Variants in MDGA2 observed in about 807,000 individuals in gnomAD.
MDGA2 encodes the protein MAM domain-containing glycosylphosphatidylinositol anchor protein 2.
Under a neutral mutation model 117.8 loss-of-function variants are expected in MDGA2, and 40 were observed. That is an observed-to-expected ratio of 0.34 (90% confidence interval 0.26 to 0.44). MDGA2 has a LOEUF of 0.44. Among genes scored for constraint, MDGA2 ranks in the 20% least tolerant of loss-of-function variants. The pLI is 1.00. For synonymous variants in MDGA2, 452 were observed against 439.0 expected (o/e 1.03, Z -0.37); for missense variants, 1,123 against 1,250.6 (o/e 0.90, Z 1.54).
At chr14:47,669,519 T>A (rs1392410184) in intron 1 of MDGA2, among the ~76,000 whole-genome samples, 10 of 152,144 alleles carry the variant, frequency 6.6e-5, no homozygotes, top group Non-Finnish European at 1.5e-5. Context: ...TATAAAATAA[T>A]CTGCCCATTT....
intron 1 of MDGA2, among the ~76,000 whole-genome samples, chr14:47,617,756 G>T: frequency 6.6e-6 from 1 of 151,844 alleles, no homozygotes; most frequent in Middle Eastern, 3.4e-3. Flanking sequence ...TTATATATTT[G>T]CCTATAGCAT....
intron 1 of MDGA2, among the ~76,000 whole-genome samples, chr14:47,605,266 G>A (rs754911749): frequency 2.6e-5 from 4 of 152,078 alleles, no homozygotes; most frequent in Admixed American, 6.6e-5. Flanking sequence ...ACAGATGAAG[G>A]CAATCATTCT....
At chr14:47,227,812 G>A (rs1886560539) in intron 2 of MDGA2, among the ~76,000 whole-genome samples, 1 of 152,060 alleles carries the variant, frequency 6.6e-6, no homozygotes, top group East Asian at 1.9e-4. Context: ...CTTGACTTCT[G>A]AACAGTTGAC....
intron 3 of MDGA2, among the ~76,000 whole-genome samples, chr14:47,158,361 T>TGG (rs1555358936): frequency 1.6e-3 from 188 of 119,490 alleles, no homozygotes; most frequent in Admixed American, 3.2e-3. Flanking sequence ...ATCCCTGGGG[T>TGG]GGGTGTGTGT....
intron 1 of MDGA2, among the ~76,000 whole-genome samples, chr14:47,379,433 A>G (rs907894896): frequency 1.3e-5 from 2 of 152,236 alleles, no homozygotes; most frequent in African/African-American, 2.4e-5. Context: ...CAAATTGGAT[A>G]AAGAGTGAAG....
chr14:47,357,326 AC>A (rs1891017547), intron 1 of MDGA2, among the ~76,000 whole-genome samples: 1 of 152,204 alleles, frequency 6.6e-6, no homozygotes. Flanking sequence ...CCATGAGATC[AC>A]CCTAAAAAAA....
At chr14:47,348,003 C>T (rs1320248208) in intron 1 of MDGA2, among the ~76,000 whole-genome samples, 1 of 151,858 alleles carries the variant, frequency 6.6e-6, no homozygotes, top group Non-Finnish European at 1.5e-5. Flanking sequence ...TGGAGAAGGC[C>T]GACTGAATTC....
intron 9 of MDGA2, among the ~76,000 whole-genome samples, chr14:46,950,229 G>T (rs17117783): frequency 5.9e-5 from 9 of 151,502 alleles, no homozygotes; most frequent in Admixed American, 4.6e-4. Flanking sequence ...TTCAGATTTC[G>T]CATGGATTCC....
chr14:47,310,454 T>C (rs1156650750), intron 1 of MDGA2, among the ~76,000 whole-genome samples: 1 of 152,110 alleles, frequency 6.6e-6, no homozygotes, highest in East Asian at 1.9e-4. Context: ...CTGGGAGATA[T>C]TTGAAAATCC....
rs1244944759 is a variant in MDGA2 at position 47,361,205 on chromosome 14, C to CTATA, written c.281-59656_281-59655insTATA. On this transcript the variant is annotated intron_variant, in intron 1 of 16. Coordinates refer to ENST00000399232, the MANE Select transcript of MDGA2 (RefSeq NM_001113498.3). ...TGTTGTACTCTCTCTCTCTCTCTCT[C>CTATA]TCTATATATATATATATATATATGG... Among the ~76,000 whole-genome samples the CTATA allele has an allele frequency of 2.9e-3, 356 of 124,688 alleles. 1 individual carries two copies. The highest frequency in any genetic ancestry group is 0.028 in the East Asian group (112 of 3,954). The allele number at this position is 124,688 out of a possible 152,430, so 81.8% of individuals were successfully genotyped here.
chr14:47,016,300 G>C (rs1436134193), intron 8 of MDGA2, among the ~76,000 whole-genome samples: 1 of 151,828 alleles, frequency 6.6e-6, no homozygotes, highest in African/African-American at 2.4e-5. Flanking sequence ...CATAACATGA[G>C]GTCCAAATTA....
chr14:47,200,555 G>GTT (rs1885463694), intron 3 of MDGA2: 2 of 491,202 alleles, frequency 4.1e-6, no homozygotes, highest in Non-Finnish European at 6.4e-6. Flanking sequence ...TTTTTGAGGA[G>GTT]TTAACAGTCT....
intron 2 of MDGA2, among the ~76,000 whole-genome samples, chr14:47,254,112 T>C (rs1887539414): frequency 6.6e-6 from 1 of 152,000 alleles, no homozygotes; most frequent in African/African-American, 2.4e-5. Flanking sequence ...CATTTTTCCC[T>C]CCTAGCCCTC....
chr14:47,295,969 G>GATAC (rs1472455093), intron 2 of MDGA2, among the ~76,000 whole-genome samples: 1 of 151,464 alleles, frequency 6.6e-6, no homozygotes, highest in African/African-American at 2.4e-5. Context: ...TAGATAGATA[G>GATAC]ATAGATAGAT....
intron 6 of MDGA2, among the ~76,000 whole-genome samples, chr14:47,068,636 T>C (rs889747489): frequency 2.0e-5 from 3 of 152,068 alleles, no homozygotes; most frequent in African/African-American, 7.2e-5. Flanking sequence ...ATAATACTTT[T>C]TCACTATGAG....
intron 1 of MDGA2, among the ~76,000 whole-genome samples, chr14:47,310,720 T>C (rs1246866270): frequency 6.6e-6 from 1 of 152,004 alleles, no homozygotes; most frequent in Admixed American, 6.6e-5. Context: ...ACCCCATAAA[T>C]ATTCCAGAAA....
chr14:47,633,500 A>T (rs933542028), intron 1 of MDGA2, among the ~76,000 whole-genome samples: 1 of 152,220 alleles, frequency 6.6e-6, no homozygotes, highest in African/African-American at 2.4e-5. Context: ...AAAATGTGAG[A>T]TGTTAGTTTA....
chr14:47,371,256 C>T (rs1164636552), intron 1 of MDGA2, among the ~76,000 whole-genome samples: 2 of 151,682 alleles, frequency 1.3e-5, no homozygotes, highest in Non-Finnish European at 3.0e-5. Flanking sequence ...AAACATAAGC[C>T]ATTTTCAAAT....
intron 1 of MDGA2, among the ~76,000 whole-genome samples, chr14:47,369,182 A>G (rs953811095): frequency 6.6e-6 from 1 of 152,150 alleles, no homozygotes; most frequent in East Asian, 1.9e-4. Flanking sequence ...TTAGTGATAT[A>G]TCATTAAATA....
Sources: allele counts gnomAD v4.1 joint callset (sites outside exome capture counted in the v4.1 genomes callset), GRCh38; gene constraint gnomAD v4.1.1; transcripts MANE v1.5; gene names NCBI Gene and HGNC (gene_info 2026-07-23, HGNC 2026-07-21).